The following NHLRC2 variants were observed in gnomAD, a reference collection of about 807,000 sequenced individuals.
NHLRC2 encodes NHL repeat containing 2.
In NHLRC2, 33 loss-of-function variants were observed where a neutral mutation model predicts 68.1. The observed-to-expected ratio is 0.48, with a 90% CI of 0.37 to 0.65. NHLRC2 has a LOEUF of 0.65. NHLRC2 is among the 30% of genes least tolerant of loss of function. The pLI, the probability that NHLRC2 is intolerant of heterozygous loss-of-function variation, is 0.00. For synonymous variants in NHLRC2, 311 were observed against 309.6 expected (o/e 1.00, Z -0.05); for missense variants, 761 against 853.8 (o/e 0.89, Z 1.35).
chr10:113,892,288 G>C (rs1846140065), intron 5 of NHLRC2, among the ~76,000 whole-genome samples: 1 of 152,116 alleles, frequency 6.6e-6, no homozygotes, highest in African/African-American at 2.4e-5. Context: ...TGATAATTAT[G>C]AGTGAGTTTT....
chr10:113,875,406 C>G (rs1050396396), intron 2 of NHLRC2, among the ~76,000 whole-genome samples: 10 of 152,236 alleles, frequency 6.6e-5, no homozygotes, highest in African/African-American at 2.4e-4. Flanking sequence ...GCCACCTTCC[C>G]CAGCTGTTCT....
At position 113,854,759 on chromosome 10, in the gene NHLRC2, A is replaced by T; in HGVS notation, c.-114A>T. The stretch of plus-strand genomic sequence containing the variant: ...AGTGTCATTGGCGTGGAGTGGGGCT[A>T]GTGGAGGGTGAGGTGAATGCGCCGT... On this transcript the variant is annotated 5_prime_UTR_variant, in exon 1 of 11. Transcript: ENST00000369301. 1 of 761,804 alleles carries T rather than the reference A, an allele frequency of 1.3e-6. No individual in the cohort carries two copies. The highest frequency in any genetic ancestry group is 2.1e-6 in the Non-Finnish European group (1 of 482,182). 47.2% of individuals were successfully genotyped at this position (761,804 alleles called of 1,614,324 possible). A position where few individuals can be genotyped will look rare whatever the true frequency, so the allele number is the denominator to read the frequency against.
At chr10:113,871,015 CTTTTTTTTTTTTTT>C (rs1169108158) in intron 2 of NHLRC2, among the ~76,000 whole-genome samples, 5 of 65,724 alleles carry the variant, frequency 7.6e-5, no homozygotes, top group South Asian at 5.6e-4. Context: ...CTTCCTGCAT[CTTTTTTTTTTTTTT>C]TTTTTTTTTT....
At chr10:113,898,502 G>C (rs1373276409) in intron 6 of NHLRC2, among the ~76,000 whole-genome samples, 2 of 152,158 alleles carry the variant, frequency 1.3e-5, no homozygotes, top group African/African-American at 4.8e-5. Context: ...GTCACTCACT[G>C]ACTGTTAAAA....
chr10:113,858,350 A>G (rs2134684741), intron 1 of NHLRC2, among the ~76,000 whole-genome samples, 178 bp from the exon 2 acceptor site: 1 of 152,158 alleles, frequency 6.6e-6, no homozygotes, highest in South Asian at 2.1e-4. Context: ...ATAGAAAATG[A>G]TGGTTCATAG....
intron 4 of NHLRC2, among the ~76,000 whole-genome samples, 192 bp from the exon 5 acceptor site, chr10:113,884,059 A>G (rs1024242878): frequency 1.3e-5 from 2 of 151,898 alleles, no homozygotes; most frequent in African/African-American, 4.8e-5. Context: ...GACAGGTGGG[A>G]TATGAAAGGG....
chr10:113,864,331 G>A (rs1201730915), intron 2 of NHLRC2, among the ~76,000 whole-genome samples: 1 of 152,126 alleles, frequency 6.6e-6, no homozygotes, highest in Non-Finnish European at 1.5e-5. Flanking sequence ...CACAGCAATA[G>A]GAATGTCCTA....
chr10:113,901,649 G>T lies in NHLRC2; in HGVS notation c.1140-17G>T. 6.5e-7 allele frequency: 1 copy of T among 1,536,722 alleles called. No homozygotes were observed. The highest frequency in any genetic ancestry group is 9.0e-7 in the Non-Finnish European group (1 of 1,109,612). ...TATACCACATGTTGACTCCACCTAT[G>T]AACTTGTCTTTTTCAGTGAGTTAAC... On this transcript the variant is annotated splice_polypyrimidine_tract_variant and intron_variant, in intron 6 of 10. Transcript: ENST00000369301.
chr10:113,865,785 A>G (rs1304936483), intron 2 of NHLRC2, among the ~76,000 whole-genome samples: 1 of 152,144 alleles, frequency 6.6e-6, no homozygotes. Flanking sequence ...AGATTTTTAT[A>G]TTGATTAGAA....
intron 9 of NHLRC2, among the ~76,000 whole-genome samples, chr10:113,903,992 GAA>G (rs955973927): frequency 2.1e-4 from 30 of 140,324 alleles, no homozygotes; most frequent in African/African-American, 7.5e-4. Flanking sequence ...GAACCTTCAA[GAA>G]AAAAAAAAGG....
In NHLRC2 at chr10:113,903,527, A is replaced by G; in HGVS notation, c.1495A>G (p.Ile499Val). The G allele has an allele frequency of 6.3e-7, 1 of 1,584,878 alleles. No homozygotes were observed. The highest frequency in any genetic ancestry group is 8.6e-7 in the Non-Finnish European group (1 of 1,158,614). ...TAAGTTTTTGTTCTTTCTTTTTTAG[A>G]TTAAAGTTGTGGATCCAAAAACAAA... ...LYVADSYNHK[I>V]KVVDPKTKNC... Residue 499 changes from isoleucine (I) to valine (V), a missense_variant and splice_region_variant, in exon 9 of 11, where the codon ATT (isoleucine) becomes GTT (valine). Coordinates refer to ENST00000369301, the MANE Select transcript of NHLRC2 (RefSeq NM_198514.4).
chr10:113,867,313 T>A (rs535620809), intron 2 of NHLRC2, among the ~76,000 whole-genome samples: 12 of 152,358 alleles, frequency 7.9e-5, no homozygotes, highest in African/African-American at 2.2e-4. Context: ...CTTTATTCAG[T>A]AGTTTGTCTA....
At chr10:113,897,250 A>G (rs1457120762) in intron 5 of NHLRC2, among the ~76,000 whole-genome samples, 1 of 152,170 alleles carries the variant, frequency 6.6e-6, no homozygotes, top group Non-Finnish European at 1.5e-5. Flanking sequence ...GGTAGATTTA[A>G]CAGAAATAAG....
At position 113,905,040 on chromosome 10, in the gene NHLRC2, T is replaced by C. The variant is rs1447582814; in HGVS notation, c.1924+4T>C. ...TGCTGGTTTCTAACAGCTGAAGGTA[T>C]GAGTATAAGCTTGCAAATACTAATA... On this transcript the variant is annotated splice_donor_region_variant and intron_variant, in intron 10 of 10. Coordinates refer to ENST00000369301, the MANE Select transcript of NHLRC2 (RefSeq NM_198514.4). 1 of 1,455,068 alleles carries C rather than the reference T, an allele frequency of 6.9e-7. No individual in the cohort carries two copies. Among genetic ancestry groups the C allele is most frequent in the Non-Finnish European group, 9.3e-7 (1 of 1,076,952 alleles). 90.1% of individuals were successfully genotyped at this position (1,455,068 alleles called of 1,614,324 possible).
intron 5 of NHLRC2, among the ~76,000 whole-genome samples, chr10:113,889,231 A>C (rs886937048): frequency 3.3e-5 from 5 of 152,124 alleles, no homozygotes; most frequent in African/African-American, 1.2e-4. Flanking sequence ...TGGCCCTTTA[A>C]TCAACATTTT....
At chr10:113,887,493 G>T (rs1846092565) in intron 5 of NHLRC2, among the ~76,000 whole-genome samples, 3 of 152,146 alleles carry the variant, frequency 2.0e-5, no homozygotes, top group Admixed American at 2.0e-4. Flanking sequence ...TCTAAGGCTG[G>T]GCATGGTGGC....
chr10:113,911,249 A>T lies in NHLRC2; in HGVS notation c.*2713A>T, dbSNP rs967384200. ...TTTTTCCTCTCCTCTTTATTATTTCACAAATGGTAGAATTTCTTGATATGA... is the reference window on the plus strand; with the variant it reads ...TTTTTCCTCTCCTCTTTATTATTTCTCAAATGGTAGAATTTCTTGATATGA... On this transcript the variant is annotated 3_prime_UTR_variant, in exon 11 of 11. Coordinates refer to ENST00000369301, the MANE Select transcript of NHLRC2 (RefSeq NM_198514.4). 5.9e-5 allele frequency: 9 copies of T among 151,998 alleles called. No individual in the cohort carries two copies. The highest frequency in any genetic ancestry group is 1.9e-4 in the African/African-American group (8 of 41,382). The allele number at this position is 151,998 out of a possible 1,614,324, so 9.4% of individuals were successfully genotyped here.
Position 113,901,875 on chromosome 10 carries a change from T to G in NHLRC2, c.1349T>G (p.Val450Gly). Residue 450 changes from valine (V) to glycine (G), a missense_variant, in exon 7 of 11, where the codon GTA becomes GGA. Transcript: ENST00000369301. ...AAAGATGGAGCAGTGAAGCACCTCG[T>G]AGGAGGAGAAAGAGACCCCATGGTA... is the stretch of plus-strand genomic sequence containing the variant. ...SLKDGAVKHL[V>G]GGERDPMNLF... is the part of the protein sequence containing the mutation. The G allele has an allele frequency of 3.1e-6, 5 of 1,613,126 alleles. No homozygotes were observed. The highest frequency in any genetic ancestry group is 4.5e-5 in the East Asian group (2 of 44,872).
At position 113,908,634 on chromosome 10, in the gene NHLRC2, A is replaced by T. The variant is rs557516390; in HGVS notation, c.*98A>T. ...AAGAAAACTTCAGTTCTGCCTCTGGATACCAAGATGCCCATTGCTCAGTTC... is the reference window on the plus strand; with the variant it reads ...AAGAAAACTTCAGTTCTGCCTCTGGTTACCAAGATGCCCATTGCTCAGTTC... On this transcript the variant is annotated 3_prime_UTR_variant, in exon 11 of 11. Coordinates refer to ENST00000369301, the MANE Select transcript of NHLRC2 (RefSeq NM_198514.4). 15 of 1,118,792 alleles carry T rather than the reference A, an allele frequency of 1.3e-5. No individual in the cohort carries two copies. The African/African-American group carries it at 2.3e-4, about 17-fold the overall frequency. 69.3% of individuals were successfully genotyped at this position (1,118,792 alleles called of 1,614,324 possible).
Sources: gnomAD v4.1 joint callset for allele counts (sites outside exome capture counted in the v4.1 genomes callset) on GRCh38, gnomAD v4.1.1 for gene constraint, MANE v1.5 for transcripts, NCBI Gene and HGNC (gene_info 2026-07-23, HGNC 2026-07-21) for gene names.